The following BMPR1B variants were observed in gnomAD, a reference collection of about 807,000 sequenced individuals.
The protein encoded by BMPR1B is bone morphogenetic protein receptor type 1B.
BMPR1B carries 12 observed loss-of-function variants against 59.1 expected under a neutral mutation model. That is an observed-to-expected ratio of 0.20 (90% CI 0.13 to 0.33). The LOEUF (loss-of-function observed/expected upper bound fraction) is 0.33, where lower values mean the gene tolerates loss of function less well. BMPR1B is among the 10% of genes least tolerant of loss of function. The pLI is 1.00. For missense variants in BMPR1B, 550 were observed against 610.9 expected, an observed-to-expected ratio of 0.90 and a Z score of 1.05; for synonymous variants, 237 against 207.3, an observed-to-expected ratio of 1.14 and a Z score of -1.23.
chr4:95,137,762 C>G (rs557779771), intron 10 of BMPR1B, among the ~76,000 whole-genome samples: 13 of 152,110 alleles, frequency 8.5e-5, no homozygotes, highest in African/African-American at 2.2e-4. Context: ...TTGCTTGGTA[C>G]ATCTTCCTCC....
chr4:94,930,961 A>G (rs1729074327), intron 2 of BMPR1B, among the ~76,000 whole-genome samples: 1 of 151,990 alleles, frequency 6.6e-6, no homozygotes, highest in Non-Finnish European at 1.5e-5. Context: ...AGGACTAAGA[A>G]AAAAAAATAA....
intron 3 of BMPR1B, among the ~76,000 whole-genome samples, chr4:95,059,750 AT>A (rs1236457743): frequency 2.0e-5 from 3 of 152,298 alleles, no homozygotes; most frequent in Non-Finnish European, 4.4e-5. Context: ...AAAGCCACAC[AT>A]TGTAGAAGAC....
intron 2 of BMPR1B, among the ~76,000 whole-genome samples, chr4:94,975,890 G>A (rs1416273334): frequency 6.6e-6 from 1 of 152,144 alleles, no homozygotes; most frequent in East Asian, 1.9e-4. Context: ...AGTAATTGGT[G>A]CTTTTTGTTT....
At chr4:95,022,179 G>C (rs1724035773) in intron 3 of BMPR1B, among the ~76,000 whole-genome samples, 1 of 152,114 alleles carries the variant, frequency 6.6e-6, no homozygotes, top group Admixed American at 6.6e-5. Context: ...TCTAAAAAAA[G>C]ATGCTGAATG....
chr4:94,850,131 G>A (rs190488034), intron 1 of BMPR1B, among the ~76,000 whole-genome samples: 36 of 152,234 alleles, frequency 2.4e-4, no homozygotes, highest in South Asian at 1.9e-3. Flanking sequence ...ACAATGGAGG[G>A]AGATTACAAC....
intron 3 of BMPR1B, among the ~76,000 whole-genome samples, chr4:95,049,303 C>T (rs971038891): frequency 6.6e-6 from 1 of 151,820 alleles, no homozygotes; most frequent in African/African-American, 2.4e-5. Context: ...ATTTTAGAGA[C>T]AGGGTCTTGC....
chr4:95,033,765 T>C (rs1416162511), intron 3 of BMPR1B, among the ~76,000 whole-genome samples: 1 of 152,202 alleles, frequency 6.6e-6, no homozygotes, highest in African/African-American at 2.4e-5. Flanking sequence ...ATACCTGCAA[T>C]GTTTTGTTTA....
At chr4:94,800,149 G>C (rs1431511262) in intron 1 of BMPR1B, among the ~76,000 whole-genome samples, 1 of 152,166 alleles carries the variant, frequency 6.6e-6, no homozygotes. Flanking sequence ...TTTCATTACT[G>C]TGTCTACAGA....
At chr4:95,069,855 T>C (rs989703908) in intron 3 of BMPR1B, among the ~76,000 whole-genome samples, 5 of 152,202 alleles carry the variant, frequency 3.3e-5, no homozygotes, top group African/African-American at 1.2e-4. Context: ...ATCCCAACAC[T>C]TTGGGAGGCC....
At chr4:95,048,584 C>CTT (rs1363640860) in intron 3 of BMPR1B, among the ~76,000 whole-genome samples, 5 of 152,018 alleles carry the variant, frequency 3.3e-5, no homozygotes, top group African/African-American at 1.2e-4. Context: ...GTTTCTTGGC[C>CTT]TTTTGTATGT....
chr4:94,822,874 T>C (rs1032726118), intron 1 of BMPR1B, among the ~76,000 whole-genome samples: 1 of 152,292 alleles, frequency 6.6e-6, no homozygotes, highest in African/African-American at 2.4e-5. Flanking sequence ...GTAATAGTGT[T>C]TTTCCACACT....
intron 3 of BMPR1B, among the ~76,000 whole-genome samples, chr4:95,025,045 G>A (rs1332675554): frequency 4.6e-5 from 7 of 152,142 alleles, no homozygotes; most frequent in Admixed American, 4.6e-4. Flanking sequence ...AGGTTACAGT[G>A]AGCTGAGATT....
chr4:95,096,911 TTAAA>T (rs1013249902), intron 3 of BMPR1B, among the ~76,000 whole-genome samples: 7 of 142,256 alleles, frequency 4.9e-5, no homozygotes, highest in Non-Finnish European at 7.6e-5. Flanking sequence ...TCAATTAAAT[TTAAA>T]TATATATTAA....
intron 3 of BMPR1B, chr4:95,103,365 A>G (rs1730961971): frequency 1.2e-6 from 1 of 839,034 alleles, no homozygotes; most frequent in Admixed American, 6.2e-5. Flanking sequence ...TAACCCAGCA[A>G]TTTTTTAATA....
intron 3 of BMPR1B, chr4:94,996,350 GCT>G (rs1468158221): frequency 6.6e-6 from 1 of 152,126 alleles, no homozygotes; most frequent in Non-Finnish European, 1.5e-5. Flanking sequence ...GGTAGGAACA[GCT>G]CTCAAGCACC....
chr4:94,812,414 T>C (rs759350561), intron 1 of BMPR1B, among the ~76,000 whole-genome samples: 32 of 152,134 alleles, frequency 2.1e-4, no homozygotes, highest in Non-Finnish European at 4.6e-4. Flanking sequence ...GCTCATGACT[T>C]GGTTTGGATG....
In BMPR1B at chr4:95,154,721, T is replaced by A; in HGVS notation, c.*48T>A. On this transcript the variant is annotated 3_prime_UTR_variant, in exon 13 of 13. Coordinates refer to ENST00000515059, the MANE Select transcript of BMPR1B (RefSeq NM_001203.3). ...TCTGCAGAAAGCCAACAGGTACTCT[T>A]CTGTTTGTGGGCAGAGCAAAAGACA... 1.2e-6 allele frequency: 2 copies of A among 1,609,732 alleles called. No individual in the cohort carries two copies. Among genetic ancestry groups the A allele is most frequent in the Non-Finnish European group, 1.7e-6 (2 of 1,176,444 alleles).
At chr4:95,083,694 C>T (rs1180519638) in intron 3 of BMPR1B, among the ~76,000 whole-genome samples, 1 of 152,164 alleles carries the variant, frequency 6.6e-6, no homozygotes, top group African/African-American at 2.4e-5. Context: ...GCAGATGCTT[C>T]ACCTTCAACC....
chr4:94,996,434 A>G (rs1311237319), intron 3 of BMPR1B: 2 of 152,182 alleles, frequency 1.3e-5, no homozygotes, highest in African/African-American at 4.8e-5. Context: ...TCCAGTTGGT[A>G]AAGTCCTATT....
Sources: allele counts gnomAD v4.1 joint callset (sites outside exome capture counted in the v4.1 genomes callset), GRCh38; gene constraint gnomAD v4.1.1; transcripts MANE v1.5; gene names NCBI Gene and HGNC (gene_info 2026-07-23, HGNC 2026-07-21).